CNGB3: variants seen among roughly 807,000 people sequenced by gnomAD.
The protein encoded by CNGB3 is cyclic nucleotide-gated channel beta-3.
Under a neutral mutation model 92.8 loss-of-function variants are expected in CNGB3, and 86 were observed. That is an observed-to-expected ratio of 0.93 (90% CI 0.78 to 1.11). The LOEUF is 1.11. CNGB3 is among the 50% of genes least tolerant of loss of function. The pLI is 0.00. For missense variants in CNGB3, 1,026 were observed against 956.8 expected, an observed-to-expected ratio of 1.07 and a Z score of -0.95; for synonymous variants, 333 against 332.7, an observed-to-expected ratio of 1.00 and a Z score of -0.01.
chr8:86,645,945 G>C (rs976124137), intron 8 of CNGB3, among the ~76,000 whole-genome samples: 1 of 151,250 alleles, frequency 6.6e-6, no homozygotes, highest in East Asian at 1.9e-4. Flanking sequence ...TTAAAAATAA[G>C]TTATATGAAT....
intron 7 of CNGB3, among the ~76,000 whole-genome samples, chr8:86,650,223 C>G (rs1585992635): frequency 6.6e-6 from 1 of 151,430 alleles, no homozygotes; most frequent in Admixed American, 6.6e-5. Context: ...TAGTTTTCAG[C>G]TCAAATCATA....
intron 10 of CNGB3, among the ~76,000 whole-genome samples, chr8:86,638,118 C>T (rs1441245): frequency 0.051 from 7,738 of 152,106 alleles, 260 homozygotes; most frequent in Non-Finnish European, 0.081. Flanking sequence ...TATTTATTCA[C>T]CTATGGATGA....
chr8:86,733,088 C>T (rs1363434547), intron 2 of CNGB3, among the ~76,000 whole-genome samples: 1 of 151,828 alleles, frequency 6.6e-6, no homozygotes, highest in Non-Finnish European at 1.5e-5. Context: ...TTCAACTCTT[C>T]CCCCCACCTT....
intron 8 of CNGB3, among the ~76,000 whole-genome samples, chr8:86,645,530 A>G (rs929481199): frequency 6.6e-6 from 1 of 151,294 alleles, no homozygotes; most frequent in African/African-American, 2.4e-5. Context: ...GAGTTAATAT[A>G]TTTAATGTGC....
chr8:86,614,748 T>C (rs1288757990), intron 13 of CNGB3, among the ~76,000 whole-genome samples: 5 of 152,132 alleles, frequency 3.3e-5, no homozygotes, highest in Non-Finnish European at 1.5e-5. Flanking sequence ...AAATGTCTGT[T>C]CATGGTCGAC....
intron 3 of CNGB3, among the ~76,000 whole-genome samples, chr8:86,677,247 T>G (rs1823994305): frequency 6.6e-6 from 1 of 152,226 alleles, no homozygotes; most frequent in African/African-American, 2.4e-5. Context: ...TTTGTGGTAA[T>G]TTGTTATGGC....
chr8:86,608,812 T>C (rs1024686406), intron 14 of CNGB3, among the ~76,000 whole-genome samples: 1 of 152,204 alleles, frequency 6.6e-6, no homozygotes, highest in Non-Finnish European at 1.5e-5. Flanking sequence ...TTACCTATCA[T>C]TGGAGATGAC....
At chr8:86,635,712 A>G (rs1023486042) in intron 10 of CNGB3, among the ~76,000 whole-genome samples, 1 of 150,756 alleles carries the variant, frequency 6.6e-6, no homozygotes. Context: ...TCCATCTCTA[A>G]TATCTACATC....
At chr8:86,618,290 G>T (rs1253626192) in intron 13 of CNGB3, among the ~76,000 whole-genome samples, 1 of 152,188 alleles carries the variant, frequency 6.6e-6, no homozygotes, top group Non-Finnish European at 1.5e-5. Flanking sequence ...CTGATCTGTG[G>T]CCCTGGGGTG....
At chr8:86,628,803 A>G in intron 12 of CNGB3, 116 bp downstream of exon 12, 1 of 1,084,178 alleles carries the variant, frequency 9.2e-7, no homozygotes, top group South Asian at 1.3e-5. Context: ...TGCTTTAAGG[A>G]TCATTTAGTT....
At chr8:86,644,582 C>T (rs765361690) in intron 9 of CNGB3, 40 bp downstream of exon 9, 2 of 1,594,334 alleles carry the variant, frequency 1.3e-6, no homozygotes, top group Non-Finnish European at 1.7e-6. Flanking sequence ...TGTACCATTG[C>T]TTTTTCCCCT....
chr8:86,728,144 C>T (rs1393815983), intron 2 of CNGB3, among the ~76,000 whole-genome samples: 3 of 152,088 alleles, frequency 2.0e-5, no homozygotes, highest in Non-Finnish European at 2.9e-5. Context: ...AAACACAGTA[C>T]TAGCTATGTT....
chr8:86,712,052 G>A (rs1824761082), intron 3 of CNGB3, among the ~76,000 whole-genome samples: 1 of 151,820 alleles, frequency 6.6e-6, no homozygotes, highest in Non-Finnish European at 1.5e-5. Flanking sequence ...TTCTGGTATT[G>A]AATTTTGAAA....
At chr8:86,657,239 C>A in intron 6 of CNGB3, 1 of 207,094 alleles carries the variant, frequency 4.8e-6, no homozygotes, top group Non-Finnish European at 9.8e-6. Flanking sequence ...AGGGTCTGCA[C>A]TTGTTTGTCT....
chr8:86,720,839 TACACAC>T (rs4024071), intron 3 of CNGB3, among the ~76,000 whole-genome samples: 7,902 of 129,828 alleles, frequency 0.061, 413 homozygotes, highest in African/African-American at 0.14. Context: ...TATATATGTA[TACACAC>T]ACACACACAC....
chr8:86,670,931 G>C lies in CNGB3; in HGVS notation c.493+13C>G, dbSNP rs999570677. The stretch of plus-strand genomic sequence containing the variant: ...CTTCTTTCTTCCCAGTACTTGGAGG[G>C]AGCAATGCTTACCAGTTTGTGGGCT... On this transcript the variant is annotated intron_variant, in intron 4 of 17. Coordinates refer to ENST00000320005, the MANE Select transcript of CNGB3 (RefSeq NM_019098.5). The C allele has an allele frequency of 1.2e-6, 2 of 1,611,948 alleles. No individual in the cohort carries two copies. Among genetic ancestry groups the C allele is most frequent in the African/African-American group, 2.7e-5 (2 of 74,834 alleles).
intron 7 of CNGB3, among the ~76,000 whole-genome samples, chr8:86,649,197 A>G (rs1823351121): frequency 6.6e-6 from 1 of 151,656 alleles, no homozygotes; most frequent in South Asian, 2.1e-4. Context: ...AACACATCTC[A>G]TGCTTATGGA....
At chr8:86,659,673 C>T in intron 6 of CNGB3, 1 of 443,330 alleles carries the variant, frequency 2.3e-6, no homozygotes, top group Non-Finnish European at 4.5e-6. Context: ...CTTCAAACTG[C>T]CTGGCAGCAT....
intron 6 of CNGB3, chr8:86,658,097 C>T (rs140945630): frequency 7.6e-4 from 402 of 527,334 alleles, no homozygotes; most frequent in East Asian, 6.3e-3. Context: ...GGGTGGGCCT[C>T]CCCACACACA....
Sources: allele counts gnomAD v4.1 joint callset (sites outside exome capture counted in the v4.1 genomes callset), GRCh38; gene constraint gnomAD v4.1.1; transcripts MANE v1.5; gene names NCBI Gene and HGNC (gene_info 2026-07-23, HGNC 2026-07-21).